DNAAF9: variants seen among roughly 807,000 people sequenced by gnomAD.
DNAAF9 encodes dynein axonemal assembly factor 9, also known as shulin.
Under a neutral mutation model 167.0 loss-of-function variants are expected in DNAAF9, and 90 were observed. That is an observed-to-expected ratio of 0.54 (90% CI 0.45 to 0.64). The LOEUF is 0.64. Among genes scored for constraint, DNAAF9 ranks in the 30% least tolerant of loss-of-function variants. The pLI is 0.00. For synonymous variants in DNAAF9, 491 were observed against 508.8 expected, an observed-to-expected ratio of 0.96 and a Z score of 0.47; for missense variants, 1,315 against 1,442.2, an observed-to-expected ratio of 0.91 and a Z score of 1.43.
chr20:3,308,119 G>A (rs1467312345), intron 20 of DNAAF9, among the ~76,000 whole-genome samples: 1 of 151,978 alleles, frequency 6.6e-6, no homozygotes, highest in African/African-American at 2.4e-5. Context: ...CCACCCAGGG[G>A]GAACAGCATC....
In DNAAF9 at chr20:3,295,957, C is replaced by T; in HGVS notation, c.2018+904G>A. 5 of 1,581,820 alleles carry T rather than the reference C, an allele frequency of 3.2e-6. No homozygotes were observed. The South Asian group carries it at 5.5e-5, about 17-fold the overall frequency. The stretch of plus-strand genomic sequence containing the variant: ...CCCCTGTCTCTGTGATGTTGGGGTG[C>T]CAGATCTTGGTCAGGCATTTCACTT... On this transcript the variant is annotated intron_variant, in intron 23 of 36. Coordinates refer to ENST00000252032, the MANE Select transcript of DNAAF9 (RefSeq NM_001009984.3).
chr20:3,253,968 G>A, intron 35 of DNAAF9, 149 bp from the exon 36 acceptor site: 2 of 605,482 alleles, frequency 3.3e-6, no homozygotes, highest in Non-Finnish European at 6.0e-6. Flanking sequence ...CAAACCTCAA[G>A]CCCTGCCTGA....
chr20:3,370,503 A>G (rs2083492949), intron 6 of DNAAF9, among the ~76,000 whole-genome samples: 3 of 151,498 alleles, frequency 2.0e-5, no homozygotes, highest in African/African-American at 7.3e-5. Flanking sequence ...TCCACCTCCC[A>G]GGTTCAAGTG....
At chr20:3,282,323 A>AT (rs576866713) in intron 27 of DNAAF9, among the ~76,000 whole-genome samples, 8 of 151,652 alleles carry the variant, frequency 5.3e-5, no homozygotes, top group Non-Finnish European at 8.8e-5. Context: ...GCTCAAATAT[A>AT]TTTTTTTTGG....
chr20:3,345,081 T>C (rs2070167558), intron 8 of DNAAF9, among the ~76,000 whole-genome samples: 1 of 152,118 alleles, frequency 6.6e-6, no homozygotes, highest in South Asian at 2.1e-4. Context: ...TGCAGTGGCA[T>C]GATTTCAGCT....
At chr20:3,321,215 T>C (rs2069609808) in intron 16 of DNAAF9, among the ~76,000 whole-genome samples, 1 of 152,214 alleles carries the variant, frequency 6.6e-6, no homozygotes, top group Admixed American at 6.5e-5. Flanking sequence ...CATGTATCAC[T>C]TAATGACAGG....
intron 1 of DNAAF9, among the ~76,000 whole-genome samples, chr20:3,390,064 C>T (rs538439206): frequency 1.3e-4 from 20 of 150,514 alleles, no homozygotes; most frequent in African/African-American, 4.6e-4. Flanking sequence ...AAAATGGAAA[C>T]ATCTGTGAGA....
At chr20:3,297,984 G>A (rs751689198) in intron 22 of DNAAF9, 45 bp downstream of exon 22, 5 of 1,497,418 alleles carry the variant, frequency 3.3e-6, no homozygotes, top group East Asian at 2.3e-5. Context: ...TTGCTAGGGG[G>A]AAAAAAAAGT....
chr20:3,336,033 G>T (rs953913196), intron 10 of DNAAF9, among the ~76,000 whole-genome samples: 3 of 152,048 alleles, frequency 2.0e-5, no homozygotes, highest in African/African-American at 7.3e-5. Flanking sequence ...TGAGGCATGA[G>T]AATTGCTTGA....
chr20:3,405,480 T>C (rs558163992), intron 1 of DNAAF9, among the ~76,000 whole-genome samples: 6 of 152,256 alleles, frequency 3.9e-5, no homozygotes, highest in African/African-American at 1.4e-4. Flanking sequence ...CATGTAGAAG[T>C]GGGGAAAGGA....
rs1374329750 is a variant in DNAAF9 at position 3,281,676 on chromosome 20, T to C, written c.2577A>G (p.Ala859=). 1.2e-6 allele frequency: 2 copies of C among 1,613,048 alleles called. No individual in the cohort carries two copies. The highest frequency in any genetic ancestry group is 1.1e-5 in the South Asian group (1 of 90,830). Residue 859 remains alanine, a synonymous_variant, in exon 28 of 37, where the codon GCA becomes GCG. Coordinates refer to ENST00000252032, the MANE Select transcript of DNAAF9 (RefSeq NM_001009984.3). The part of the protein sequence containing the change: ...KASFTIGAIT[A]CVEPMSCYME... Reference sequence around the variant, plus strand: ...TGTAGCAGCTCATGGGCTCCACACATGCTGTGATGGCACCAATGGTGAAGG... The same window carrying C: ...TGTAGCAGCTCATGGGCTCCACACACGCTGTGATGGCACCAATGGTGAAGG...
intron 1 of DNAAF9, among the ~76,000 whole-genome samples, chr20:3,388,352 A>C (rs1221769098): frequency 3.3e-5 from 5 of 152,220 alleles, no homozygotes; most frequent in Non-Finnish European, 7.3e-5. Context: ...GTTTCTTAAA[A>C]AATTAAAAAT....
At chr20:3,260,935 C>T (rs2068374878) in intron 31 of DNAAF9, among the ~76,000 whole-genome samples, 1 of 152,046 alleles carries the variant, frequency 6.6e-6, no homozygotes, top group African/African-American at 2.4e-5. Flanking sequence ...GCCGGTCTTG[C>T]TCCCATTTCT....
chr20:3,273,284 TAA>T (rs1341971473), intron 29 of DNAAF9, among the ~76,000 whole-genome samples: 2 of 152,162 alleles, frequency 1.3e-5, no homozygotes, highest in East Asian at 3.8e-4. Context: ...AGTCAAGTGT[TAA>T]GTTAAAAAAA....
intron 16 of DNAAF9, among the ~76,000 whole-genome samples, chr20:3,321,204 T>C (rs1252884451): frequency 6.6e-6 from 1 of 152,188 alleles, no homozygotes; most frequent in Non-Finnish European, 1.5e-5. Flanking sequence ...ATAATTATAG[T>C]CATGTATCAC....
chr20:3,283,827 G>T (rs1390649075), intron 27 of DNAAF9, among the ~76,000 whole-genome samples: 1 of 152,214 alleles, frequency 6.6e-6, no homozygotes, highest in Non-Finnish European at 1.5e-5. Context: ...AAGGACAACG[G>T]AAAAGGATTC....
chr20:3,306,499 C>G (rs2069296720), intron 20 of DNAAF9, among the ~76,000 whole-genome samples: 1 of 152,166 alleles, frequency 6.6e-6, no homozygotes, highest in Non-Finnish European at 1.5e-5. Context: ...ACAATTGTAA[C>G]AGGTGGTATT....
At chr20:3,382,542 A>G (rs750310983) in intron 1 of DNAAF9, 36 bp from the exon 2 acceptor site, 6 of 1,546,632 alleles carry the variant, frequency 3.9e-6, no homozygotes, top group Non-Finnish European at 5.4e-6. Context: ...CCTGAGTGCC[A>G]GGACAGCCCC....
At chr20:3,285,539 CGTGGTG>C (rs1251779986) in intron 27 of DNAAF9, among the ~76,000 whole-genome samples, 1 of 151,924 alleles carries the variant, frequency 6.6e-6, no homozygotes, top group Admixed American at 6.6e-5. Flanking sequence ...ATTAGCCAGG[CGTGGTG>C]GTGAGCACCT....
Sources: gnomAD v4.1 joint callset for allele counts (sites outside exome capture counted in the v4.1 genomes callset) on GRCh38, gnomAD v4.1.1 for gene constraint, MANE v1.5 for transcripts, NCBI Gene and HGNC (gene_info 2026-07-23, HGNC 2026-07-21) for gene names.